The following CEACAM7 variants were observed in gnomAD, a reference collection of about 807,000 sequenced individuals.
CEACAM7 encodes CEA cell adhesion molecule 7.
In CEACAM7, 24 loss-of-function variants were observed where a neutral mutation model predicts 25.7. The observed-to-expected ratio is 0.93, with a 90% CI of 0.68 to 1.31. The LOEUF is 1.31. Among genes scored for constraint, CEACAM7 ranks in the 40% most tolerant of loss-of-function variants. The pLI, the probability that CEACAM7 is intolerant of heterozygous loss-of-function variation, is 0.00. For synonymous variants in CEACAM7, 144 were observed against 129.4 expected (o/e 1.11, Z -0.77); for missense variants, 324 against 330.1 (o/e 0.98, Z 0.14).
intron 3 of CEACAM7, among the ~76,000 whole-genome samples, chr19:41,679,801 CTT>C (rs34340713): frequency 1.8e-5 from 2 of 111,884 alleles, no homozygotes; most frequent in South Asian, 3.0e-4. Context: ...CTCTCTCTCT[CTT>C]TTTTTTTTTT....
intron 1 of CEACAM7, among the ~76,000 whole-genome samples, chr19:41,687,573 T>C (rs1555811376): frequency 6.6e-6 from 1 of 152,146 alleles, no homozygotes; most frequent in Non-Finnish European, 1.5e-5. Flanking sequence ...TTAGAGCTCT[T>C]GTCAACACCT....
At position 41,686,942 on chromosome 19, in the gene CEACAM7, T is replaced by C. The variant is rs1204078489; in HGVS notation, c.344A>G (p.His115Arg). 1 of 1,603,472 alleles carries C rather than the reference T, an allele frequency of 6.2e-7. No individual in the cohort carries two copies. The highest frequency in any genetic ancestry group is 8.5e-7 in the Non-Finnish European group (1 of 1,175,664). The change falls in exon 2 of 5, where the codon CAC becomes CGC. Residue 115 changes from histidine to arginine, a missense_variant. By Grantham distance (29) the His-to-Arg change is conservative. Coordinates refer to ENST00000401731, the MANE Select transcript of CEACAM7 (RefSeq NM_001291485.2). ...TAGGGTATAGATTCCTGCGTCATTG[T>C]GGGTGACGTTCTGGATCAGCAGGGT... ...NGTLLIQNVTHNDAGIYTLHV... is the reference protein window; with the variant it reads ...NGTLLIQNVTRNDAGIYTLHV...
At chr19:41,682,792 G>T (rs1330302193) in intron 3 of CEACAM7, among the ~76,000 whole-genome samples, 1 of 152,162 alleles carries the variant, frequency 6.6e-6, no homozygotes, top group African/African-American at 2.4e-5. Context: ...CATGAATTAG[G>T]CAAAAGAACA....
At chr19:41,681,261 AAAAAG>A (rs2072172818) in intron 3 of CEACAM7, among the ~76,000 whole-genome samples, 1 of 152,228 alleles carries the variant, frequency 6.6e-6, no homozygotes, top group South Asian at 2.1e-4. Context: ...TTTAAAGAAA[AAAAAG>A]AAAACACAAA....
Position 41,688,114 on chromosome 19 carries a change from GC to G in CEACAM7, c.51del (p.Leu18SerfsTer8). 4 of 1,611,192 alleles carry G rather than the reference GC, an allele frequency of 2.5e-6. No individual in the cohort carries two copies. Among genetic ancestry groups the G allele is most frequent in the Non-Finnish European group, 3.4e-6 (4 of 1,178,360 alleles). On this transcript the variant is annotated frameshift_variant, in exon 1 of 5. Transcript: ENST00000401731. LOFTEE classifies it high-confidence loss of function. Reference sequence around the variant, plus strand: ...GTCCTCCCCTCACCTGTGAGCAGGAGCCCCTGCCAGGGAATGCACACTCTGT... The same window carrying G: ...GTCCTCCCCTCACCTGTGAGCAGGAGCCCTGCCAGGGAATGCACACTCTGT... Reference protein sequence around the residue: ...CPYRVCIPWQGLLLTASLLTF... With the variant: ...CPYRVCIPWQXLLLTASLLTF...
At chr19:41,684,127 T>C in intron 2 of CEACAM7, 64 bp from the exon 3 acceptor site, 3 of 1,570,670 alleles carry the variant, frequency 1.9e-6, no homozygotes, top group Non-Finnish European at 2.6e-6. Flanking sequence ...ACGGACATCT[T>C]TCAATCAGAG....
In CEACAM7 at chr19:41,688,084, AGGAAG is replaced by A; in HGVS notation, c.64+13_64+17del. 1 of 1,605,126 alleles carries A rather than the reference AGGAAG, an allele frequency of 6.2e-7. No individual in the cohort carries two copies. The highest frequency in any genetic ancestry group is 8.5e-7 in the Non-Finnish European group (1 of 1,175,106). ...TCTGGCCCTCCTCCCACCCACTCCC[AGGAAG>A]TCCTCCCCTCACCTGTGAGCAGGAG... On this transcript the variant is annotated intron_variant, in intron 1 of 4. Transcript: ENST00000401731.
intron 4 of CEACAM7, among the ~76,000 whole-genome samples, chr19:41,676,566 G>A (rs1236208952): frequency 6.6e-6 from 1 of 152,156 alleles, no homozygotes; most frequent in African/African-American, 2.4e-5. Context: ...GTTCCCTGGA[G>A]TAGGGACCTT....
chr19:41,682,538 C>T (rs1555810780), intron 3 of CEACAM7, among the ~76,000 whole-genome samples: 1 of 152,212 alleles, frequency 6.6e-6, no homozygotes, highest in Non-Finnish European at 1.5e-5. Context: ...AAGCCTGACC[C>T]AGGAGAGGCT....
At chr19:41,684,159 C>G in intron 2 of CEACAM7, 96 bp from the exon 3 acceptor site, 2 of 1,344,252 alleles carry the variant, frequency 1.5e-6, no homozygotes, top group Non-Finnish European at 2.1e-6. Flanking sequence ...CACCTCTAAG[C>G]CCACTCAAGT....
rs1001704078 is a variant in CEACAM7, at chr19:41,687,173, A to T, written c.113T>A (p.Ile38Asn). 1.9e-6 allele frequency: 3 copies of T among 1,613,632 alleles called. No homozygotes were observed. Among genetic ancestry groups the T allele is most frequent in the Non-Finnish European group, 2.5e-6 (3 of 1,179,748 alleles). ...WNLPNSAQTN[I>N]DVVPFNVAEG... ...TGCGACATTGAACGGCACGACATCA[A>T]TATTGGTCTGGGCACTGTTTGGCAG... Residue 38 changes from isoleucine to asparagine, a missense_variant, in exon 2 of 5, where the codon ATT (isoleucine) becomes AAT (asparagine). Physicochemically the swap from Ile to Asn is moderately radical, Grantham distance 149. Coordinates refer to ENST00000401731, the MANE Select transcript of CEACAM7 (RefSeq NM_001291485.2).
In CEACAM7 at chr19:41,687,193, T is replaced by C. The variant is rs200636159; in HGVS notation, c.93A>G (p.Pro31=). 4.6e-5 allele frequency: 74 copies of C among 1,609,510 alleles called. No homozygotes were observed. The highest frequency in any genetic ancestry group is 6.0e-5 in the Non-Finnish European group (71 of 1,177,172). The change falls in exon 2 of 5, where the codon CCA becomes CCG. Residue 31 remains proline (P), a synonymous_variant. Coordinates refer to ENST00000401731, the MANE Select transcript of CEACAM7 (RefSeq NM_001291485.2). Reference sequence around the variant, plus strand: ...CATCAATATTGGTCTGGGCACTGTTTGGCAGGTTCCAGAAGGTTAAAAGCG... The same window carrying C: ...CATCAATATTGGTCTGGGCACTGTTCGGCAGGTTCCAGAAGGTTAAAAGCG... ...TASLLTFWNL[P]NSAQTNIDVV...
At chr19:41,678,336 T>C (rs1555810356) in intron 3 of CEACAM7, among the ~76,000 whole-genome samples, 5 of 151,902 alleles carry the variant, frequency 3.3e-5, no homozygotes, top group Admixed American at 3.3e-4. Context: ...TATATGTATA[T>C]GTATATGTAT....
chr19:41,684,483 T>C (rs918502485), intron 2 of CEACAM7, among the ~76,000 whole-genome samples: 4 of 152,310 alleles, frequency 2.6e-5, no homozygotes, highest in Non-Finnish European at 4.4e-5. Context: ...GCCTTTTTTT[T>C]CCAAGGATAT....
intron 3 of CEACAM7, among the ~76,000 whole-genome samples, chr19:41,682,031 G>A (rs1395102579): frequency 1.3e-5 from 2 of 152,076 alleles, no homozygotes; most frequent in South Asian, 2.1e-4. Context: ...CTGGAGCCTC[G>A]ACATTCTGGG....
chr19:41,684,154 C>T, intron 2 of CEACAM7, 91 bp from the exon 3 acceptor site: 1 of 1,401,624 alleles, frequency 7.1e-7, no homozygotes, highest in African/African-American at 1.4e-5. Flanking sequence ...TCTCCCACCT[C>T]TAAGCCCACT....
intron 2 of CEACAM7, among the ~76,000 whole-genome samples, chr19:41,685,770 T>G (rs1371253894): frequency 1.3e-5 from 2 of 152,128 alleles, no homozygotes; most frequent in African/African-American, 2.4e-5. Context: ...CTGACTCTGA[T>G]AGTTGAGGCA....
intron 2 of CEACAM7, among the ~76,000 whole-genome samples, chr19:41,684,940 G>A (rs2072212234): frequency 6.6e-6 from 1 of 152,184 alleles, no homozygotes; most frequent in Non-Finnish European, 1.5e-5. Context: ...TCTAAACTAG[G>A]CAGAGTCTAA....
intron 2 of CEACAM7, among the ~76,000 whole-genome samples, chr19:41,685,798 TA>T (rs1555811132): frequency 6.6e-6 from 1 of 152,034 alleles, no homozygotes; most frequent in South Asian, 2.1e-4. Context: ...CAGTTCTAGG[TA>T]AAAACTAATT....
Sources: gnomAD v4.1 joint callset for allele counts (sites outside exome capture counted in the v4.1 genomes callset) on GRCh38, gnomAD v4.1.1 for gene constraint, MANE v1.5 for transcripts, NCBI Gene and HGNC (gene_info 2026-07-23, HGNC 2026-07-21) for gene names.